CABIN1: variants seen among roughly 807,000 people sequenced by gnomAD.
The protein encoded by CABIN1 is calcineurin binding protein 1.
In CABIN1, 133 loss-of-function variants were observed where a neutral mutation model predicts 227.7. The ratio of observed to expected loss-of-function variants is 0.58; its 90% confidence interval spans 0.51 to 0.67. The LOEUF (loss-of-function observed/expected upper bound fraction) is 0.67, where lower values mean the gene tolerates loss of function less well. CABIN1 is among the 30% of genes least tolerant of loss of function. CABIN1 has a pLI of 0.00. For missense variants in CABIN1, 2,408 were observed against 2,852.5 expected (o/e 0.84, Z 3.55); for synonymous variants, 1,086 against 1,155.1 (o/e 0.94, Z 1.21).
At position 24,055,165 on chromosome 22, in the gene CABIN1, C is replaced by A. The variant is rs530828282; in HGVS notation, c.1093+6C>A. 2 of 1,608,986 alleles carry A rather than the reference C, an allele frequency of 1.2e-6. No individual in the cohort carries two copies. The highest frequency in any genetic ancestry group is 1.7e-6 in the Non-Finnish European group (2 of 1,179,992). ...GGAGACAGGCGCTCCTGTGGGTAAG[C>A]AGGCCCCCTGAATTTGGCTTCCGGG... is the stretch of plus-strand genomic sequence containing the variant. On this transcript the variant is annotated splice_donor_region_variant and intron_variant, in intron 9 of 36. Coordinates refer to ENST00000263119, the MANE Select transcript of CABIN1 (RefSeq NM_012295.4).
intron 5 of CABIN1, 85 bp from the exon 6 acceptor site, chr22:24,042,818 CT>C (rs2037491208): frequency 1.5e-6 from 1 of 685,056 alleles, no homozygotes; most frequent in Non-Finnish European, 2.2e-6. Flanking sequence ...AGAGATCTGA[CT>C]GTGTGTGTGT....
chr22:24,117,437 C>T (rs1047768688), intron 27 of CABIN1, among the ~76,000 whole-genome samples: 5 of 152,156 alleles, frequency 3.3e-5, no homozygotes, highest in African/African-American at 9.7e-5. Flanking sequence ...TGGCCTCAAG[C>T]AATCCTCTCA....
intron 18 of CABIN1, among the ~76,000 whole-genome samples, chr22:24,074,015 C>T: frequency 2.9e-4 from 1 of 3,488 alleles, no homozygotes; most frequent in Non-Finnish European, 5.4e-4. Context: ...TGCTTGTACC[C>T]AATTTTTTTT....
chr22:24,135,580 C>G (rs2044346863), intron 29 of CABIN1, among the ~76,000 whole-genome samples: 1 of 152,172 alleles, frequency 6.6e-6, no homozygotes, highest in Non-Finnish European at 1.5e-5. Context: ...TTTCCTCTGT[C>G]CTGCATGGAG....
rs565349352 is a variant in CABIN1 at position 24,165,477 on chromosome 22, A to G, written c.4911-53A>G. 9.5e-6 allele frequency: 14 copies of G among 1,470,380 alleles called. No individual in the cohort carries two copies. The East Asian group carries it at 1.4e-4, about 14-fold the overall frequency. The allele number at this position is 1,470,380 out of a possible 1,614,324, so 91.1% of individuals were successfully genotyped here. A position where few individuals can be genotyped will look rare whatever the true frequency, so the allele number is the denominator to read the frequency against. On this transcript the variant is annotated intron_variant, in intron 30 of 36. Transcript: ENST00000263119. ...GCAGTGGCCACCATCCAGCAGTGCCATGTGGTGTCAGATGCCCTCCTGTCC... is the reference window on the plus strand; with the variant it reads ...GCAGTGGCCACCATCCAGCAGTGCCGTGTGGTGTCAGATGCCCTCCTGTCC...
intron 29 of CABIN1, among the ~76,000 whole-genome samples, chr22:24,143,330 C>T (rs2044892717): frequency 1.3e-5 from 2 of 152,196 alleles, no homozygotes; most frequent in Admixed American, 1.3e-4. Flanking sequence ...ATGTGGGCAT[C>T]TAGCCCTACC....
chr22:24,085,545 G>A (rs2041098019), intron 22 of CABIN1, among the ~76,000 whole-genome samples: 1 of 152,136 alleles, frequency 6.6e-6, no homozygotes, highest in Non-Finnish European at 1.5e-5. Context: ...CTTAACTATG[G>A]TTGCCTTCTT....
chr22:24,113,468 C>T, intron 26 of CABIN1, 98 bp from the exon 27 acceptor site: 5 of 1,165,394 alleles, frequency 4.3e-6, no homozygotes, highest in Non-Finnish European at 6.5e-6. Flanking sequence ...AAAGCAGTCC[C>T]CAGGCCACCG....
At chr22:24,015,201 T>C (rs5760179) in intron 1 of CABIN1, among the ~76,000 whole-genome samples, 41,855 of 141,294 alleles carry the variant, frequency 0.3, 7,568 homozygotes, top group African/African-American at 0.53. Flanking sequence ...GGGAGGCAGA[T>C]GTTGCAGTGA....
chr22:24,035,616 C>T, intron 2 of CABIN1, 96 bp downstream of exon 2: 3 of 1,480,998 alleles, frequency 2.0e-6, no homozygotes, highest in Non-Finnish European at 2.8e-6. Context: ...ATTCTGAAGG[C>T]TCTTATTATG....
chr22:24,113,521 G>A, intron 26 of CABIN1, 45 bp from the exon 27 acceptor site: 5 of 1,576,562 alleles, frequency 3.2e-6, no homozygotes, highest in Non-Finnish European at 4.4e-6. Flanking sequence ...GTTGGAGGTG[G>A]TGTAGGTTAA....
chr22:24,151,521 G>T (rs1320909349), intron 29 of CABIN1, among the ~76,000 whole-genome samples: 1 of 152,126 alleles, frequency 6.6e-6, no homozygotes, highest in Non-Finnish European at 1.5e-5. Context: ...CCCCTCCTGA[G>T]ATGAAACAGA....
intron 1 of CABIN1, among the ~76,000 whole-genome samples, chr22:24,013,197 C>CTTTTTTT (rs35584227): frequency 4.4e-5 from 5 of 113,512 alleles, no homozygotes; most frequent in South Asian, 2.7e-4. Flanking sequence ...TCTTTTTAAG[C>CTTTTTTT]TTTTTTTTTT....
At chr22:24,074,362 A>G (rs763867273) in intron 18 of CABIN1, among the ~76,000 whole-genome samples, 2 of 152,248 alleles carry the variant, frequency 1.3e-5, no homozygotes, top group Non-Finnish European at 2.9e-5. Context: ...GAAAGAAAAA[A>G]GAAAGATTCT....
chr22:24,098,337 A>T, intron 26 of CABIN1, 145 bp downstream of exon 26: 2 of 1,486,048 alleles, frequency 1.3e-6, no homozygotes, highest in Admixed American at 1.9e-5. Context: ...GCTGCTCATT[A>T]ACCTCATGGA....
chr22:24,022,424 G>A (rs1485736223), intron 1 of CABIN1, among the ~76,000 whole-genome samples: 1 of 152,176 alleles, frequency 6.6e-6, no homozygotes, highest in Non-Finnish European at 1.5e-5. Flanking sequence ...ATTCACCTCA[G>A]TTGTTTCATA....
rs1240927683 is a variant in CABIN1, at chr22:24,042,783, C to T, written c.346-121C>T. ...TGGCTGTGCCAGTGCCGTGCTCCTC[C>T]CGTCCCCGGGGTGCATATTCAAGGA... On this transcript the variant is annotated intron_variant, in intron 5 of 36. Transcript: ENST00000263119. 4 of 946,106 alleles carry T rather than the reference C, an allele frequency of 4.2e-6. No individual in the cohort carries two copies. The African/African-American group carries it at 5.3e-5, about 12-fold the overall frequency. The allele number at this position is 946,106 out of a possible 1,614,324, so 58.6% of individuals were successfully genotyped here. A position where few individuals can be genotyped will look rare whatever the true frequency, so the allele number is the denominator to read the frequency against.
chr22:24,072,462 T>C lies in CABIN1; in HGVS notation c.2584T>C (p.Phe862Leu), dbSNP rs745464836. ...GATCATCTGGCAGGAGGAAGACACCTTCCATTCTCTGTGCCACCAGCAGCA... is the reference window on the plus strand; with the variant it reads ...GATCATCTGGCAGGAGGAAGACACCCTCCATTCTCTGTGCCACCAGCAGCA... ...HRIIWQEEDT[F>L]HSLCHQQQLQ... The change falls in exon 18 of 37, where the codon TTC (phenylalanine) becomes CTC (leucine). Residue 862 changes from phenylalanine (F) to leucine (L), a missense_variant. Physicochemically the swap from Phe to Leu is conservative, Grantham distance 22. Transcript: ENST00000263119. The C allele has an allele frequency of 1.9e-6, 3 of 1,614,220 alleles. No individual in the cohort carries two copies.
In CABIN1 at chr22:24,072,515, A is replaced by G. The variant is rs1227016290; in HGVS notation, c.2632+5A>G. On this transcript the variant is annotated splice_donor_5th_base_variant and intron_variant, in intron 18 of 36. Transcript: ENST00000263119. ...TCCAAAACCCAGCGGAGGAAGGTGC[A>G]CAGGCAGTGGGTGCAGTGGGGATGA... The G allele has an allele frequency of 2.5e-6, 4 of 1,613,958 alleles. No homozygotes were observed. The highest frequency in any genetic ancestry group is 1.3e-5 in the African/African-American group (1 of 74,934).
Sources: gnomAD v4.1 joint callset for allele counts (sites outside exome capture counted in the v4.1 genomes callset) on GRCh38, gnomAD v4.1.1 for gene constraint, MANE v1.5 for transcripts, NCBI Gene and HGNC (gene_info 2026-07-23, HGNC 2026-07-21) for gene names.